The following CHLSN variants were observed in gnomAD, a reference collection of about 807,000 sequenced individuals.
CHLSN encodes the protein protein cholesin.
At chr7:1,027,450 G>A in the CHLSN span, among the ~76,000 whole-genome samples, 1 of 152,228 alleles carries the variant, frequency 6.6e-6, no homozygotes, top group South Asian at 2.1e-4. Flanking sequence ...CCAGCACGGG[G>A]CCGCCACCTG....
At chr7:1,028,635 T>C in the CHLSN span, 1 of 971,266 alleles carries the variant, frequency 1.0e-6, no homozygotes, top group Non-Finnish European at 1.2e-6. Context: ...CTGCACGTAC[T>C]TGCCTCTGAC....
At chr7:1,013,890 C>A in the CHLSN span, among the ~76,000 whole-genome samples, 1 of 152,234 alleles carries the variant, frequency 6.6e-6, no homozygotes, top group African/African-American at 2.4e-5. Context: ...CTGTCTCCTG[C>A]GGTTAGATGT....
chr7:1,022,216 C>T, the CHLSN span, among the ~76,000 whole-genome samples: 1 of 152,182 alleles, frequency 6.6e-6, no homozygotes. Flanking sequence ...CCCACGAGGA[C>T]AGACGCAGGC....
the CHLSN span, among the ~76,000 whole-genome samples, chr7:1,031,268 A>G: frequency 3.9e-5 from 6 of 152,182 alleles, no homozygotes; most frequent in Admixed American, 6.5e-5. Flanking sequence ...CTGAGGAGAA[A>G]AGTTAAGGGT....
the CHLSN span, chr7:988,314 T>G: frequency 6.2e-7 from 1 of 1,609,122 alleles, no homozygotes; most frequent in Non-Finnish European, 8.5e-7. Flanking sequence ...TCGGTGCTCC[T>G]GGATGAGACA....
chr7:1,058,317 G>A, the CHLSN span: 46 of 776,284 alleles, frequency 5.9e-5, 1 homozygote, highest in Admixed American at 7.3e-4. Flanking sequence ...GCCCGTGGAC[G>A]CACACTACCT....
the CHLSN span, chr7:1,057,978 G>T: frequency 1.1e-4 from 84 of 770,900 alleles, no homozygotes; most frequent in Non-Finnish European, 1.9e-4. Context: ...GTGGGGTGGC[G>T]CGCTGCTGAC....
the CHLSN span, among the ~76,000 whole-genome samples, chr7:1,110,520 C>G: frequency 6.6e-6 from 1 of 152,354 alleles, no homozygotes; most frequent in East Asian, 1.9e-4. Context: ...CGCCTCCCGC[C>G]ACGTCTTCCC....
At chr7:1,035,660 G>A in the CHLSN span, among the ~76,000 whole-genome samples, 10 of 152,220 alleles carry the variant, frequency 6.6e-5, no homozygotes, top group African/African-American at 2.4e-4. Context: ...AGGATGTGGA[G>A]CAACAGGAAT....
the CHLSN span, among the ~76,000 whole-genome samples, chr7:1,052,876 C>G: frequency 0.27 from 40,347 of 152,012 alleles, 5,837 homozygotes; most frequent in African/African-American, 0.38. The surrounding 1 kb of genome is among the most constrained non-coding windows in gnomAD (Gnocchi z 4.2). Flanking sequence ...GAGGGAGCCT[C>G]CAGAATCTTT....
At chr7:999,210 C>T in the CHLSN span, among the ~76,000 whole-genome samples, 1 of 152,178 alleles carries the variant, frequency 6.6e-6, no homozygotes, top group African/African-American at 2.4e-5. Context: ...AATAAAACCA[C>T]GTAAACTTTG....
At chr7:985,435 C>A in the CHLSN span, 3 of 1,236,354 alleles carry the variant, frequency 2.4e-6, no homozygotes, top group Non-Finnish European at 3.3e-6. Context: ...GCCCTCCCAC[C>A]TTGCAAAAGG....
chr7:985,452 A>G, the CHLSN span: 1 of 1,072,710 alleles, frequency 9.3e-7, no homozygotes, highest in South Asian at 1.6e-5. Context: ...AAGGAATCAG[A>G]TGCAAGGGCC....
At chr7:1,127,188 CCT>C in the CHLSN span, 1 of 1,504,648 alleles carries the variant, frequency 6.6e-7, no homozygotes, top group Non-Finnish European at 8.8e-7. Flanking sequence ...TGAGCCACCC[CCT>C]CTCCCTCCAG....
the CHLSN span, among the ~76,000 whole-genome samples, chr7:1,048,843 A>G: frequency 6.6e-6 from 1 of 152,334 alleles, no homozygotes; most frequent in African/African-American, 2.4e-5. Context: ...AGACCCCTGG[A>G]GCAGGTTCTC....
chr7:1,114,198 A>G, the CHLSN span, among the ~76,000 whole-genome samples: 2 of 152,188 alleles, frequency 1.3e-5, no homozygotes, highest in South Asian at 2.1e-4. Flanking sequence ...ACTGGCCCAT[A>G]CAAGGGCCGG....
At chr7:1,033,032 G>A in the CHLSN span, among the ~76,000 whole-genome samples, 97 of 152,308 alleles carry the variant, frequency 6.4e-4, no homozygotes, top group African/African-American at 2.2e-3. Context: ...CGGCAAGTCC[G>A]TTACACACTG....
chr7:1,064,673 G>A, the CHLSN span, among the ~76,000 whole-genome samples: 3 of 152,200 alleles, frequency 2.0e-5, no homozygotes, highest in East Asian at 1.9e-4. Flanking sequence ...CCAAACTAGC[G>A]TGGTGCAGGG....
the CHLSN span, chr7:1,127,224 A>T: frequency 1.9e-6 from 3 of 1,564,104 alleles, no homozygotes; most frequent in Non-Finnish European, 2.6e-6. Flanking sequence ...TGGATCCCAG[A>T]GGGCAGGGCC....
Sources: allele counts gnomAD v4.1 joint callset (sites outside exome capture counted in the v4.1 genomes callset), GRCh38; gene constraint gnomAD v4.1.1; non-coding constraint Gnocchi (gnomAD v3.1); transcripts MANE v1.5; gene names NCBI Gene and HGNC (gene_info 2026-07-23, HGNC 2026-07-21).